The following ROCK2 variants were observed in gnomAD, a reference collection of about 807,000 sequenced individuals.
ROCK2 encodes the protein rho-associated protein kinase 2.
In ROCK2, 61 loss-of-function variants were observed where a neutral mutation model predicts 195.1. That is an observed-to-expected ratio of 0.31 (90% CI 0.25 to 0.39). ROCK2 has a LOEUF of 0.39. Among genes scored for constraint, ROCK2 ranks in the 10% least tolerant of loss-of-function variants. ROCK2 has a pLI of 1.00. For missense variants in ROCK2, 1,109 were observed against 1,637.4 expected (o/e 0.68, Z 5.57); for synonymous variants, 504 against 545.5 (o/e 0.92, Z 1.06).
intron 3 of ROCK2, among the ~76,000 whole-genome samples, chr2:11,263,438 C>T (rs1666302840): frequency 6.6e-6 from 1 of 151,948 alleles, no homozygotes. Context: ...TAAGGGTTCT[C>T]CTTTTCTTCC....
intron 2 of ROCK2, among the ~76,000 whole-genome samples, chr2:11,287,334 T>G (rs770233906): frequency 6.6e-6 from 1 of 152,194 alleles, no homozygotes; most frequent in Non-Finnish European, 1.5e-5. Context: ...ATTAATTCTC[T>G]GGGCAATATT....
At chr2:11,315,481 G>A (rs1368656626) in intron 1 of ROCK2, among the ~76,000 whole-genome samples, 2 of 151,664 alleles carry the variant, frequency 1.3e-5, no homozygotes, top group East Asian at 3.9e-4. Flanking sequence ...AAAAAAAACA[G>A]TAAATTATCT....
At chr2:11,309,873 C>G (rs1253981558) in intron 1 of ROCK2, among the ~76,000 whole-genome samples, 3 of 151,850 alleles carry the variant, frequency 2.0e-5, no homozygotes, top group African/African-American at 7.3e-5. Flanking sequence ...CCCAGCTACT[C>G]AGGAGGCTGA....
chr2:11,183,971 A>G (rs957849461), intron 32 of ROCK2, among the ~76,000 whole-genome samples: 1 of 152,094 alleles, frequency 6.6e-6, no homozygotes, highest in Non-Finnish European at 1.5e-5. Context: ...CAACTTGCTT[A>G]CTTAGACTAA....
chr2:11,263,762 T>A (rs1666320075), intron 3 of ROCK2, among the ~76,000 whole-genome samples: 2 of 151,484 alleles, frequency 1.3e-5, no homozygotes, highest in South Asian at 2.1e-4. Context: ...TTTTTTTTTT[T>A]AATTGGCAAC....
chr2:11,216,047 G>A (rs994944304), intron 13 of ROCK2, 111 bp downstream of exon 13: 3 of 811,000 alleles, frequency 3.7e-6, no homozygotes, highest in Non-Finnish European at 6.4e-6. Flanking sequence ...AATACTACAA[G>A]GTAGGTTTCA....
At position 11,305,722 on chromosome 2, in the gene ROCK2, T is replaced by C. The variant is rs1009725892; in HGVS notation, c.142-17986A>G. Among the ~76,000 whole-genome samples, 5 of 152,184 alleles carry C rather than the reference T, an allele frequency of 3.3e-5. No homozygotes were observed. The East Asian group carries it at 7.7e-4, about 23-fold the overall frequency. The stretch of plus-strand genomic sequence containing the variant: ...GAAGTGCACAGGTGATAAAATGGCA[T>C]AGAGCTATACATACACAATGTATCA... On this transcript the variant is annotated intron_variant, in intron 1 of 32. Coordinates refer to ENST00000315872, the MANE Select transcript of ROCK2 (RefSeq NM_004850.5).
At position 11,235,574 on chromosome 2, in the gene ROCK2, T is replaced by C. The variant is rs531349359; in HGVS notation, c.723+128A>G. ...GAAATGTTTTAAGTTGGTTATATCT[T>C]GTTTGGGTGCTATACAGTTATGAAA... On this transcript the variant is annotated intron_variant, in intron 5 of 32. Transcript: ENST00000315872. The surrounding 1 kb of genome is among the most constrained non-coding windows in gnomAD (Gnocchi z 4.2). 1.1e-6 allele frequency: 1 copy of C among 904,708 alleles called. No homozygotes were observed. Among genetic ancestry groups the C allele is most frequent in the Non-Finnish European group, 1.7e-6 (1 of 600,262 alleles). 56.0% of individuals were successfully genotyped at this position (904,708 alleles called of 1,614,324 possible).
chr2:11,245,903 G>T (rs1302191288), intron 4 of ROCK2, among the ~76,000 whole-genome samples: 1 of 152,150 alleles, frequency 6.6e-6, no homozygotes, highest in Middle Eastern at 3.2e-3. Flanking sequence ...TTGAAAACTG[G>T]TAAATACAAT....
In ROCK2 at chr2:11,192,130, C is replaced by A; in HGVS notation, c.4163+18G>T. The A allele has an allele frequency of 3.3e-6, 5 of 1,492,862 alleles. No individual in the cohort carries two copies. Among genetic ancestry groups the A allele is most frequent in the African/African-American group, 1.4e-5 (1 of 69,626 alleles). 92.5% of individuals were successfully genotyped at this position (1,492,862 alleles called of 1,614,324 possible). On this transcript the variant is annotated intron_variant, in intron 32 of 32. Transcript: ENST00000315872. This position sits in a 1 kb window ranked among gnomAD's most constrained non-coding sequence, Gnocchi z 5.0. ...TAATAGACTTTTTTTTTTTCCTTAC[C>A]ACATTTTAGTTTATTACCTAGGTTT...
intron 3 of ROCK2, among the ~76,000 whole-genome samples, chr2:11,264,386 A>G (rs565696819): frequency 8.8e-4 from 111 of 125,882 alleles, no homozygotes; most frequent in Non-Finnish European, 1.7e-3. Flanking sequence ...TAACTATAAG[A>G]GTTGACAGAA....
In ROCK2 at chr2:11,194,396, A is replaced by G. The variant is rs1350884902; in HGVS notation, c.3520-52T>C. Reference sequence around the variant, plus strand: ...AGTAATTCAAGTTTTTATATACCTTATTTATTGATTTTTTTGAAAATAAAT... The same window carrying G: ...AGTAATTCAAGTTTTTATATACCTTGTTTATTGATTTTTTTGAAAATAAAT... On this transcript the variant is annotated intron_variant, in intron 28 of 32. Coordinates refer to ENST00000315872, the MANE Select transcript of ROCK2 (RefSeq NM_004850.5). The G allele has an allele frequency of 1.2e-5, 8 of 658,786 alleles. No homozygotes were observed. In the Admixed American group the frequency reaches 2.0e-4, roughly 17 times the overall value. 40.8% of individuals were successfully genotyped at this position (658,786 alleles called of 1,614,324 possible).
At chr2:11,232,641 G>C (rs766511226) in intron 5 of ROCK2, among the ~76,000 whole-genome samples, 15 of 152,032 alleles carry the variant, frequency 9.9e-5, no homozygotes, top group Non-Finnish European at 2.2e-4. Flanking sequence ...TGGAGATCTG[G>C]GGTAAAACAA....
chr2:11,208,601 C>T (rs375778334), intron 18 of ROCK2, among the ~76,000 whole-genome samples, 154 bp from the exon 19 acceptor site: 2 of 140,204 alleles, frequency 1.4e-5, no homozygotes, highest in Admixed American at 7.2e-5. Flanking sequence ...TTTTTCTTTT[C>T]TTTTTTTTTT....
intron 1 of ROCK2, chr2:11,307,924 T>C: frequency 7.2e-7 from 1 of 1,391,098 alleles, no homozygotes; most frequent in East Asian, 2.6e-5. Flanking sequence ...GTAGCGGTCC[T>C]CCTGGCCCTG....
At chr2:11,327,604 C>T (rs996989898) in intron 1 of ROCK2, among the ~76,000 whole-genome samples, 18 of 152,148 alleles carry the variant, frequency 1.2e-4, no homozygotes, top group African/African-American at 4.3e-4. Flanking sequence ...ATTCTGTCAC[C>T]CAGGCTAGAG....
At chr2:11,318,505 G>C (rs776253659) in intron 1 of ROCK2, among the ~76,000 whole-genome samples, 11 of 152,016 alleles carry the variant, frequency 7.2e-5, no homozygotes, top group Non-Finnish European at 1.5e-4. Context: ...CTGGATATTA[G>C]CCCTTTGTCA....
intron 1 of ROCK2, among the ~76,000 whole-genome samples, chr2:11,334,238 C>A (rs538444616): frequency 7.7e-4 from 117 of 152,194 alleles, no homozygotes; most frequent in Middle Eastern, 3.4e-3. Context: ...AGAGGCCAGG[C>A]GCAGTGACTT....
intron 3 of ROCK2, among the ~76,000 whole-genome samples, chr2:11,267,353 C>G (rs1195912293): frequency 6.6e-6 from 1 of 152,178 alleles, no homozygotes; most frequent in African/African-American, 2.4e-5. Flanking sequence ...ACCACGATCT[C>G]TGAGTTAGAA....
Sources: allele counts gnomAD v4.1 joint callset (sites outside exome capture counted in the v4.1 genomes callset), GRCh38; gene constraint gnomAD v4.1.1; non-coding constraint Gnocchi (gnomAD v3.1); transcripts MANE v1.5; gene names NCBI Gene and HGNC (gene_info 2026-07-23, HGNC 2026-07-21).